The following MAP2K5 variants were observed in gnomAD, a reference collection of about 807,000 sequenced individuals.
MAP2K5 encodes dual specificity mitogen-activated protein kinase kinase 5.
MAP2K5 carries 49 observed loss-of-function variants against 83.1 expected under a neutral mutation model. The ratio of observed to expected loss-of-function variants is 0.59; its 90% CI spans 0.47 to 0.75. The LOEUF is 0.75. MAP2K5 is among the 30% of genes least tolerant of loss of function. MAP2K5 has a pLI of 0.00. For synonymous variants in MAP2K5, 202 were observed against 191.8 expected (o/e 1.05, Z -0.44); for missense variants, 457 against 557.5 (o/e 0.82, Z 1.82).
intron 1 of MAP2K5, among the ~76,000 whole-genome samples, chr15:67,547,175 T>C (rs2084409334): frequency 6.6e-6 from 1 of 151,768 alleles, no homozygotes; most frequent in Non-Finnish European, 1.5e-5. Flanking sequence ...TATTGGCTGT[T>C]TATGTCTTTT....
intron 13 of MAP2K5, among the ~76,000 whole-genome samples, chr15:67,672,027 A>T (rs1279985273): frequency 6.6e-6 from 1 of 151,720 alleles, no homozygotes; most frequent in Non-Finnish European, 1.5e-5. Flanking sequence ...ATTCCATGGT[A>T]TATATGTGCC....
chr15:67,694,517 A>G (rs535497496), intron 15 of MAP2K5, among the ~76,000 whole-genome samples: 22 of 152,158 alleles, frequency 1.4e-4, no homozygotes, highest in Non-Finnish European at 2.8e-4. Flanking sequence ...AATGCTCATC[A>G]TCACTGGCCA....
intron 13 of MAP2K5, among the ~76,000 whole-genome samples, chr15:67,667,948 CA>C (rs754439187): frequency 1.3e-5 from 2 of 152,126 alleles, no homozygotes; most frequent in African/African-American, 2.4e-5. Context: ...GAGCAATAAG[CA>C]GCGGCAAACC....
chr15:67,612,073 CTTT>C (rs57650533), intron 8 of MAP2K5, among the ~76,000 whole-genome samples: 14 of 117,196 alleles, frequency 1.2e-4, no homozygotes, highest in Admixed American at 2.5e-4. Flanking sequence ...CTTTGGTTTT[CTTT>C]TTTTTTTTTT....
At chr15:67,805,626 G>A (rs1439802613) in intron 21 of MAP2K5, among the ~76,000 whole-genome samples, 2 of 152,092 alleles carry the variant, frequency 1.3e-5, no homozygotes, top group South Asian at 2.1e-4. Context: ...GGAAGCGGCC[G>A]CTGGACAGGG....
At chr15:67,591,299 C>G (rs2085403151) in intron 6 of MAP2K5, among the ~76,000 whole-genome samples, 2 of 151,062 alleles carry the variant, frequency 1.3e-5, no homozygotes, top group Admixed American at 6.6e-5. Flanking sequence ...GAGCTGAGCT[C>G]ACACCACTGC....
chr15:67,666,700 C>T (rs574014607), intron 13 of MAP2K5, among the ~76,000 whole-genome samples: 22 of 152,288 alleles, frequency 1.4e-4, no homozygotes, highest in African/African-American at 5.3e-4. Flanking sequence ...CCTGTACTTA[C>T]TTTTTCAGTT....
chr15:67,649,271 A>G (rs932985665), intron 11 of MAP2K5, among the ~76,000 whole-genome samples: 1 of 152,116 alleles, frequency 6.6e-6, no homozygotes, highest in Admixed American at 6.5e-5. Context: ...AGAATTCTTT[A>G]TGTATTCTAA....
At chr15:67,608,536 T>TG (rs2085832780) in intron 8 of MAP2K5, among the ~76,000 whole-genome samples, 3 of 152,140 alleles carry the variant, frequency 2.0e-5, no homozygotes, top group Non-Finnish European at 4.4e-5. Context: ...TGCACAGATC[T>TG]GGGGGGCTGA....
chr15:67,655,323 C>T (rs2087044715), intron 11 of MAP2K5, among the ~76,000 whole-genome samples: 1 of 152,306 alleles, frequency 6.6e-6, no homozygotes, highest in East Asian at 1.9e-4. Context: ...ATCTGAGTTA[C>T]TGTCTTTTAA....
In MAP2K5 at chr15:67,760,826, C is replaced by T. The variant is rs1566955277; in HGVS notation, c.1135-8776C>T. The stretch of plus-strand genomic sequence containing the variant: ...AGTCTTACCCAGCCATAGGACAATG[C>T]TCATTTAATCCACCATGATGGGACC... On this transcript the variant is annotated intron_variant, in intron 19 of 21. Coordinates refer to ENST00000178640, the MANE Select transcript of MAP2K5 (RefSeq NM_145160.3). The surrounding 1 kb of genome is among the most constrained non-coding windows in gnomAD (Gnocchi z 4.1). Among the ~76,000 whole-genome samples the T allele has an allele frequency of 6.6e-6, 1 of 151,918 alleles. No individual in the cohort carries two copies. Among genetic ancestry groups the T allele is most frequent in the Admixed American group, 6.6e-5 (1 of 15,254 alleles).
At position 67,784,032 on chromosome 15, in the gene MAP2K5, T is replaced by C. The variant is rs547875303; in HGVS notation, c.1242+11280T>C. ...TGAATCCAGAAAGGATCCTGTTTTA[T>C]AATCTTTAAAAAATTGATTTATTAT... On this transcript the variant is annotated intron_variant, in intron 21 of 21. Coordinates refer to ENST00000178640, the MANE Select transcript of MAP2K5 (RefSeq NM_145160.3). Among the ~76,000 whole-genome samples, 3 of 152,362 alleles carry C rather than the reference T, an allele frequency of 2.0e-5. No individual in the cohort carries two copies. In the South Asian group the frequency reaches 6.2e-4, roughly 32 times the overall value.
chr15:67,547,795 C>CATGTTATGTT (rs1251991405), intron 1 of MAP2K5, among the ~76,000 whole-genome samples: 1 of 152,110 alleles, frequency 6.6e-6, no homozygotes, highest in Non-Finnish European at 1.5e-5. Flanking sequence ...TAGTTAGGTA[C>CATGTTATGTT]ATGTTATATT....
At chr15:67,589,409 A>G (rs554214299) in intron 6 of MAP2K5, among the ~76,000 whole-genome samples, 1 of 152,336 alleles carries the variant, frequency 6.6e-6, no homozygotes, top group Non-Finnish European at 1.5e-5. Flanking sequence ...ACTAATGCAC[A>G]TGGTGTTCCT....
chr15:67,585,995 G>C (rs2085280966), intron 5 of MAP2K5, 65 bp downstream of exon 5: 2 of 1,425,946 alleles, frequency 1.4e-6, no homozygotes, highest in Non-Finnish European at 2.0e-6. Flanking sequence ...TCCACTTATT[G>C]AAATGTCAAA....
At chr15:67,700,212 G>C (rs1412780867) in intron 15 of MAP2K5, among the ~76,000 whole-genome samples, 1 of 152,152 alleles carries the variant, frequency 6.6e-6, no homozygotes, top group African/African-American at 2.4e-5. Flanking sequence ...GAGTCACAGA[G>C]GGCATCTGGA....
At chr15:67,660,611 A>T (rs570767972) in intron 12 of MAP2K5, among the ~76,000 whole-genome samples, 1 of 152,302 alleles carries the variant, frequency 6.6e-6, no homozygotes, top group South Asian at 2.1e-4. Flanking sequence ...AACAGAGAGT[A>T]GGGAAATAGG....
intron 8 of MAP2K5, among the ~76,000 whole-genome samples, chr15:67,610,188 G>A (rs1009936897): frequency 6.6e-6 from 1 of 152,138 alleles, no homozygotes; most frequent in Non-Finnish European, 1.5e-5. Flanking sequence ...TATAAAATTA[G>A]TGTATAAATT....
chr15:67,695,470 A>T (rs1180084592), intron 15 of MAP2K5, among the ~76,000 whole-genome samples: 2 of 152,188 alleles, frequency 1.3e-5, no homozygotes, highest in African/African-American at 4.8e-5. Context: ...TGAAGTCTTC[A>T]TATCTGTTTT....
Sources: gnomAD v4.1 joint callset for allele counts (sites outside exome capture counted in the v4.1 genomes callset) on GRCh38, gnomAD v4.1.1 for gene constraint, Gnocchi (gnomAD v3.1) non-coding constraint, MANE v1.5 for transcripts, NCBI Gene and HGNC (gene_info 2026-07-23, HGNC 2026-07-21) for gene names.